XIRP2: variants seen among roughly 807,000 people sequenced by gnomAD.
The protein encoded by XIRP2 is xin actin binding repeat containing 2, also known as xin actin-binding repeat-containing protein 2.
Under a neutral mutation model 277.0 loss-of-function variants are expected in XIRP2, and 236 were observed. The observed-to-expected ratio is 0.85, with a 90% CI of 0.77 to 0.95. The LOEUF (loss-of-function observed/expected upper bound fraction) is 0.95. Ranked by LOEUF, XIRP2 falls within the 40% of genes least tolerant of loss-of-function variation. The pLI is 0.00. For synonymous variants in XIRP2, 1,490 were observed against 1,416.5 expected, an observed-to-expected ratio of 1.05 and a Z score of -1.17; for missense variants, 4,640 against 4,157.5, an observed-to-expected ratio of 1.12 and a Z score of -3.19.
At position 167,056,502 on chromosome 2, in the gene XIRP2, A is replaced by G. The variant is rs140310169; in HGVS notation, c.409-79407A>G. Among the ~76,000 whole-genome samples the G allele has an allele frequency of 1.2e-3, 184 of 152,232 alleles. 2 individuals are homozygous for G. In the East Asian group the frequency reaches 0.025, roughly 21 times the overall value. ...AGAAGTTCCCAGTTTATGCAAACTC[A>G]GTGTTCTCTGTATTTCACTTCTTTA... On this transcript the variant is annotated intron_variant, in intron 2 of 10. Transcript: ENST00000409195.
intron 3 of XIRP2, among the ~76,000 whole-genome samples, chr2:167,179,664 A>G (rs113566519): frequency 0.1 from 14,872 of 149,114 alleles, 787 homozygotes; most frequent in South Asian, 0.16. Flanking sequence ...TTTTTGAGAC[A>G]GGGTCTTGCT....
chr2:166,892,840 T>C (rs1684138530), intron 1 of XIRP2, among the ~76,000 whole-genome samples: 1 of 148,776 alleles, frequency 6.7e-6, no homozygotes, highest in African/African-American at 2.5e-5. Flanking sequence ...TTCTATGATA[T>C]GTTATAATAT....
chr2:166,979,359 CTTTTCTTTTCT>C (rs1439700897), intron 2 of XIRP2, among the ~76,000 whole-genome samples: 14 of 116,892 alleles, frequency 1.2e-4, no homozygotes, highest in Admixed American at 3.7e-4. Flanking sequence ...CTTTTCTTTT[CTTTTCTTTTCT>C]TTTTTTTTTT....
intron 2 of XIRP2, among the ~76,000 whole-genome samples, chr2:167,099,512 A>G (rs999728079): frequency 2.6e-5 from 4 of 152,106 alleles, no homozygotes; most frequent in African/African-American, 9.6e-5. Context: ...TTTCCAGGAG[A>G]GTGAACAGTT....
chr2:166,940,338 G>A (rs1574098493), intron 2 of XIRP2, among the ~76,000 whole-genome samples: 1 of 152,080 alleles, frequency 6.6e-6, no homozygotes, highest in Non-Finnish European at 1.5e-5. Context: ...ATTCTAGTTA[G>A]CCATTCATCT....
chr2:167,094,650 G>T (rs960104518), intron 2 of XIRP2, among the ~76,000 whole-genome samples: 1 of 152,012 alleles, frequency 6.6e-6, no homozygotes, highest in Non-Finnish European at 1.5e-5. Context: ...TATTTCTGAG[G>T]CCTCTGTTCT....
At chr2:167,134,452 G>C (rs986266863) in intron 2 of XIRP2, among the ~76,000 whole-genome samples, 3 of 151,838 alleles carry the variant, frequency 2.0e-5, no homozygotes, top group Admixed American at 1.3e-4. Flanking sequence ...TCTACTCTAA[G>C]AATGTTTCGA....
chr2:167,205,468 G>T, intron 3 of XIRP2, among the ~76,000 whole-genome samples: 1 of 152,004 alleles, frequency 6.6e-6, no homozygotes, highest in Middle Eastern at 3.2e-3. Context: ...TTCCCATAAA[G>T]GTTTCCTTTT....
At chr2:167,228,974 G>A (rs145292985) in intron 5 of XIRP2, among the ~76,000 whole-genome samples, 3 of 152,056 alleles carry the variant, frequency 2.0e-5, no homozygotes, top group African/African-American at 4.8e-5. Flanking sequence ...ATAAATTGGG[G>A]TTGCTTTGGG....
At chr2:166,988,258 G>A (rs914148012) in intron 2 of XIRP2, among the ~76,000 whole-genome samples, 3 of 152,036 alleles carry the variant, frequency 2.0e-5, no homozygotes, top group African/African-American at 2.4e-5. Context: ...GAAGAAAACC[G>A]CAGACAAACC....
At chr2:166,911,900 T>C (rs1574072115) in intron 2 of XIRP2, among the ~76,000 whole-genome samples, 1 of 152,204 alleles carries the variant, frequency 6.6e-6, no homozygotes. Flanking sequence ...AAATTCTGGG[T>C]TGAAAATACT....
intron 1 of XIRP2, among the ~76,000 whole-genome samples, chr2:166,892,736 T>C (rs971663950): frequency 6.6e-6 from 1 of 151,320 alleles, no homozygotes; most frequent in African/African-American, 2.4e-5. Flanking sequence ...TTACTTGACA[T>C]AGAATGCTAC....
At chr2:166,900,852 TCTTGATACCG>T (rs1427307911) in intron 1 of XIRP2, among the ~76,000 whole-genome samples, 1 of 152,114 alleles carries the variant, frequency 6.6e-6, no homozygotes, top group Non-Finnish European at 1.5e-5. Flanking sequence ...GAGGAGAAGA[TCTTGATACCG>T]CTAGGTGGGG....
chr2:166,976,742 G>C (rs1686727356), intron 2 of XIRP2, among the ~76,000 whole-genome samples: 1 of 152,024 alleles, frequency 6.6e-6, no homozygotes, highest in African/African-American at 2.4e-5. Context: ...AAAAAAACTA[G>C]CCATTTCCGT....
At chr2:167,078,479 T>C (rs1689633153) in intron 2 of XIRP2, among the ~76,000 whole-genome samples, 1 of 152,200 alleles carries the variant, frequency 6.6e-6, no homozygotes, top group African/African-American at 2.4e-5. Context: ...CTTGCCTGCT[T>C]GCTCTGGATG....
chr2:167,214,273 A>AAGAG (rs1352530192), intron 4 of XIRP2, among the ~76,000 whole-genome samples: 1 of 31,092 alleles, frequency 3.2e-5, no homozygotes, highest in Admixed American at 2.8e-4. Flanking sequence ...GAGAGAGAGA[A>AAGAG]AGAGAGGGAG....
chr2:167,151,079 A>G (rs1692002419), intron 3 of XIRP2, among the ~76,000 whole-genome samples: 1 of 149,976 alleles, frequency 6.7e-6, no homozygotes. Flanking sequence ...ACATTTCACC[A>G]TCTGAAGAGC....
At chr2:167,174,477 T>C (rs1459749977) in intron 3 of XIRP2, among the ~76,000 whole-genome samples, 1 of 152,188 alleles carries the variant, frequency 6.6e-6, no homozygotes, top group African/African-American at 2.4e-5. Flanking sequence ...TTATTGTTTT[T>C]TATTGTGTCT....
chr2:167,192,279 A>G (rs1045263079), intron 3 of XIRP2, among the ~76,000 whole-genome samples: 2 of 152,188 alleles, frequency 1.3e-5, no homozygotes, highest in African/African-American at 4.8e-5. Flanking sequence ...TGAACATTAA[A>G]TTTTGATAAG....
Sources: gnomAD v4.1 joint callset for allele counts (sites outside exome capture counted in the v4.1 genomes callset) on GRCh38, gnomAD v4.1.1 for gene constraint, MANE v1.5 for transcripts, NCBI Gene and HGNC (gene_info 2026-07-23, HGNC 2026-07-21) for gene names.